The following ARHGAP9 variants were observed in gnomAD, a reference collection of about 807,000 sequenced individuals.
ARHGAP9 encodes the protein Rho GTPase activating protein 9.
Under a neutral mutation model 87.3 loss-of-function variants are expected in ARHGAP9, and 76 were observed. The ratio of observed to expected loss-of-function variants is 0.87; its 90% confidence interval spans 0.72 to 1.05. The LOEUF (loss-of-function observed/expected upper bound fraction) is 1.05. Among genes scored for constraint, ARHGAP9 ranks in the 50% least tolerant of loss-of-function variants. The probability of loss-of-function intolerance (pLI) is 0.00; values close to 1 mark genes in which losing one functional copy is unlikely to be tolerated. For synonymous variants in ARHGAP9, 382 were observed against 394.9 expected (o/e 0.97, Z 0.39); for missense variants, 941 against 960.5 (o/e 0.98, Z 0.27).
intron 15 of ARHGAP9, 122 bp from the exon 16 acceptor site, chr12:57,474,298 T>C: frequency 6.3e-7 from 1 of 1,574,816 alleles, no homozygotes. Flanking sequence ...GGGTCTGCAG[T>C]GGGGCAAGGT....
chr12:57,475,958 G>A, intron 9 of ARHGAP9, 27 bp from the exon 10 acceptor site: 1 of 1,602,748 alleles, frequency 6.2e-7, no homozygotes, highest in Non-Finnish European at 8.5e-7. Flanking sequence ...GAAACGCTCG[G>A]GTCAACGGGA....
chr12:57,483,798 G>C, upstream of ARHGAP9: 1 of 414,880 alleles, frequency 2.4e-6, no homozygotes, highest in Non-Finnish European at 4.9e-6. Context: ...CCAACACCTT[G>C]GGAGGCTGAG....
In ARHGAP9 at chr12:57,476,901, T is replaced by C. The variant is rs771146991; in HGVS notation, c.933A>G (p.Arg311=). Reference sequence around the variant, plus strand: ...GGTCGTCCAGGAGCTGCGGCAGAGGTCGAGGGGCCTGCAAGGCTGGAGGGT... The same window carrying C: ...GGTCGTCCAGGAGCTGCGGCAGAGGCCGAGGGGCCTGCAAGGCTGGAGGGT... ...QLDPPALQAP[R]PLPQLLDDPH... The change falls in exon 6 of 18, where the codon CGA becomes CGG. Residue 311 remains arginine, a synonymous_variant. Transcript: ENST00000393791. 3.3e-5 allele frequency: 53 copies of C among 1,613,144 alleles called. 2 individuals are homozygous for C. The South Asian group carries it at 5.7e-4, about 17-fold the overall frequency.
At chr12:57,484,638 A>C (rs1875265429), upstream of ARHGAP9, among the ~76,000 whole-genome samples, 1 of 151,956 alleles carries the variant, frequency 6.6e-6, no homozygotes. Context: ...TGAGAGACCT[A>C]CCTCAGTTTG....
At chr12:57,488,367 T>C (rs1875625446) in intron 1 of ARHGAP9, 2 of 724,956 alleles carry the variant, frequency 2.8e-6, no homozygotes, top group African/African-American at 3.5e-5. Flanking sequence ...CAGTCACATC[T>C]TTCACTTCCT....
chr12:57,476,219 C>A (rs1197749270), intron 8 of ARHGAP9, 53 bp from the exon 9 acceptor site: 5 of 1,506,242 alleles, frequency 3.3e-6, no homozygotes, highest in Middle Eastern at 1.8e-4. Context: ...TCACTGCTTC[C>A]CTCTCCCCGG....
chr12:57,488,241 G>T (rs879203522), intron 1 of ARHGAP9: 1 of 1,563,558 alleles, frequency 6.4e-7, no homozygotes, highest in Non-Finnish European at 8.8e-7. Context: ...GGGGGGGCGG[G>T]ACCGAAACAC....
In ARHGAP9 at chr12:57,488,073, C is replaced by T. The variant is rs201535531; in HGVS notation, c.-204+539G>A. On this transcript the variant is annotated intron_variant, in intron 1 of 20. Transcript: ENST00000393797. ...GGGAGGCCGGTTCCGGTTGCATCAG[C>T]GAGGGATTCACGGCGAAATGAGACT... 636 of 1,609,278 alleles carry T rather than the reference C, an allele frequency of 4.0e-4. 1 individual carries two copies. The highest frequency in any genetic ancestry group is 9.0e-4 in the Admixed American group (54 of 59,928).
Position 57,477,193 on chromosome 12 carries a change from C to T in ARHGAP9, c.833G>A (p.Arg278Lys). The change falls in exon 5 of 18, where the codon AGA (arginine) becomes AAA (lysine). Residue 278 changes from arginine to lysine, a missense_variant. Coordinates refer to ENST00000393791, the MANE Select transcript of ARHGAP9 (RefSeq NM_032496.4). ...CGGTTCTGGGGTCCCTGTGTCAGAT[C>T]TGAAGCCCTTTGCCTGAGGTTGCAG... ...DVLQPQAKGF[R>K]SDTGTPEPLD... The T allele has an allele frequency of 6.2e-7, 1 of 1,611,946 alleles. No individual in the cohort carries two copies. Among genetic ancestry groups the T allele is most frequent in the East Asian group, 2.2e-5 (1 of 44,862 alleles).
chr12:57,473,534 A>C (rs1236248706), intron 17 of ARHGAP9, 69 bp downstream of exon 17: 1 of 1,437,792 alleles, frequency 7.0e-7, no homozygotes, highest in Non-Finnish European at 9.8e-7. Context: ...CTCCACCTGC[A>C]CAGAGTCCCT....
chr12:57,481,565 T>C (rs1297970083), upstream of ARHGAP9, among the ~76,000 whole-genome samples: 1 of 152,128 alleles, frequency 6.6e-6, no homozygotes, highest in Admixed American at 6.6e-5. Flanking sequence ...TCTTTCTTTT[T>C]ACAGTCGAAC....
upstream of ARHGAP9, among the ~76,000 whole-genome samples, chr12:57,484,600 C>T (rs76370933): frequency 9.9e-3 from 1,507 of 152,192 alleles, 15 homozygotes; most frequent in Middle Eastern, 0.031. Flanking sequence ...AACTTTATGC[C>T]TCAGTTCCCT....
chr12:57,476,599 C>A lies in ARHGAP9; in HGVS notation c.1016G>T (p.Arg339Leu), dbSNP rs372030739. The A allele has an allele frequency of 1.2e-6, 2 of 1,614,142 alleles. No homozygotes were observed. Among genetic ancestry groups the A allele is most frequent in the Non-Finnish European group, 1.7e-6 (2 of 1,180,024 alleles). The change falls in exon 7 of 18, where the codon CGC becomes CTC. Residue 339 changes from arginine to leucine, a missense_variant. Transcript: ENST00000393791. ...TATTCTGGGTTCTCACCTGAGCTTG[C>A]GCCCCCCTTGGGCAATCTTGGTCAT... Reference protein sequence around the residue: ...LNMTKIAQGGRKLRKNWGPSW... With the variant: ...LNMTKIAQGGLKLRKNWGPSW...
rs762853238 is a variant in ARHGAP9, at chr12:57,478,571, T to G, written c.503A>C (p.Glu168Ala). ...EGPSGRSLSQ[E>A]DLPSEASAST... ...GGCACTGGCTTCTGACGGCAAGTCT[T>G]CCTGGGAGAGGGATCTTCCGCTTGG... Residue 168 changes from glutamate to alanine, a missense_variant, in exon 3 of 18, where the codon GAA becomes GCA. Transcript: ENST00000393791. 2.5e-6 allele frequency: 4 copies of G among 1,614,140 alleles called. No homozygotes were observed. Among genetic ancestry groups the G allele is most frequent in the Non-Finnish European group, 3.4e-6 (4 of 1,180,040 alleles).
In ARHGAP9 at chr12:57,472,588, C is replaced by T; in HGVS notation, c.2125G>A (p.Ala709Thr). ...TGCCCTGGGTAGAGAGCATGGGCTGCTGGGTCAGATGTCTCCTGCTCTGGC... is the reference window on the plus strand; with the variant it reads ...TGCCCTGGGTAGAGAGCATGGGCTGTTGGGTCAGATGTCTCCTGCTCTGGC... ...FRPEQETSDPAAHALYPGQLV... is the reference protein window; with the variant it reads ...FRPEQETSDPTAHALYPGQLV... The change falls in exon 18 of 18, where the codon GCA (alanine) becomes ACA (threonine). Residue 709 changes from alanine (A) to threonine (T), a missense_variant. By Grantham distance (58) the Ala-to-Thr change is moderately conservative (BLOSUM62 0). Transcript: ENST00000393791. The T allele has an allele frequency of 6.2e-7, 1 of 1,614,236 alleles. No individual in the cohort carries two copies. The highest frequency in any genetic ancestry group is 8.5e-7 in the Non-Finnish European group (1 of 1,180,050).
Position 57,479,370 on chromosome 12 carries a change from TC to T in ARHGAP9, c.36del (p.Ile13SerfsTer2). ...GGGCTTCGGGGGCCCAGCCCTAGGA[TC>T]CCCCAGGAACTTGGCCACCACCGGC... is the stretch of plus-strand genomic sequence containing the variant. ...LSSRWWPSSW[G>X]ILGLGPRSPP... On this transcript the variant is annotated frameshift_variant, in exon 2 of 18. Transcript: ENST00000393791. LOFTEE classifies it high-confidence loss of function. 1.2e-6 allele frequency: 2 copies of T among 1,613,628 alleles called. No individual in the cohort carries two copies. The highest frequency in any genetic ancestry group is 1.7e-6 in the Non-Finnish European group (2 of 1,179,860).
At chr12:57,478,827 T>C in intron 2 of ARHGAP9, 70 bp from the exon 3 acceptor site, 1 of 1,426,886 alleles carries the variant, frequency 7.0e-7, no homozygotes, top group Non-Finnish European at 9.5e-7. Flanking sequence ...TCCCTCATCT[T>C]GGGAACTCAC....
chr12:57,477,555 C>T lies in ARHGAP9; in HGVS notation c.660G>A (p.Glu220=), dbSNP rs61740924. The T allele has an allele frequency of 1.2e-6, 2 of 1,613,738 alleles. No homozygotes were observed. The highest frequency in any genetic ancestry group is 2.7e-5 in the African/African-American group (2 of 75,006). ...GTCCAGAGTTGGGGTCCAGGTGCTG[C>T]TCCCAGGCATCCAGCCTCTGCAGCA... is the stretch of plus-strand genomic sequence containing the variant. ...CPLLQRLDAW[E]QHLDPNSGRC... is the part of the protein sequence containing the mutation. The change falls in exon 4 of 18, where the codon GAG becomes GAA. Residue 220 remains glutamate, a synonymous_variant. Coordinates refer to ENST00000393791, the MANE Select transcript of ARHGAP9 (RefSeq NM_032496.4).
intron 2 of ARHGAP9, 85 bp downstream of exon 2, chr12:57,479,006 C>T: frequency 6.7e-7 from 1 of 1,496,298 alleles, no homozygotes; most frequent in Non-Finnish European, 9.1e-7. Flanking sequence ...GGGAGGGGGA[C>T]CTCCCCAAAA....
Sources: gnomAD v4.1 joint callset for allele counts (sites outside exome capture counted in the v4.1 genomes callset) on GRCh38, gnomAD v4.1.1 for gene constraint, MANE v1.5 for transcripts, NCBI Gene and HGNC (gene_info 2026-07-23, HGNC 2026-07-21) for gene names.